MACROD2: variants seen among roughly 807,000 people sequenced by gnomAD.
MACROD2 encodes the protein ADP-ribose glycohydrolase MACROD2.
In MACROD2, 36 loss-of-function variants were observed where a neutral mutation model predicts 70.4. The ratio of observed to expected loss-of-function variants is 0.51; its 90% CI spans 0.39 to 0.68. The LOEUF (loss-of-function observed/expected upper bound fraction) is 0.68. Ranked by LOEUF, MACROD2 falls within the 30% of genes least tolerant of loss-of-function variation. MACROD2 has a pLI of 0.00. For synonymous variants in MACROD2, 172 were observed against 178.8 expected (o/e 0.96, Z 0.30); for missense variants, 496 against 538.4 (o/e 0.92, Z 0.78).
intron 8 of MACROD2, among the ~76,000 whole-genome samples, chr20:15,559,913 G>A (rs1056220605): frequency 6.6e-6 from 1 of 152,224 alleles, no homozygotes; most frequent in African/African-American, 2.4e-5. Context: ...GAAGGCTGAT[G>A]TTTTCATCTC....
intron 5 of MACROD2, among the ~76,000 whole-genome samples, chr20:15,053,072 G>A (rs1481204031): frequency 6.6e-6 from 1 of 152,196 alleles, no homozygotes; most frequent in Admixed American, 6.5e-5. Context: ...TGAAGAAGCT[G>A]CAGAAGAAAA....
At chr20:15,745,279 T>TA (rs1194069704) in intron 8 of MACROD2, among the ~76,000 whole-genome samples, 1 of 152,196 alleles carries the variant, frequency 6.6e-6, no homozygotes, top group African/African-American at 2.4e-5. Context: ...AGGTCATAGG[T>TA]AAGCATTACC....
chr20:15,658,687 T>C (rs1226938013), intron 8 of MACROD2, among the ~76,000 whole-genome samples: 1 of 152,220 alleles, frequency 6.6e-6, no homozygotes, highest in Non-Finnish European at 1.5e-5. Flanking sequence ...CTTATTTACA[T>C]GATCTGATTT....
At chr20:15,200,319 T>A (rs2076645118) in intron 5 of MACROD2, among the ~76,000 whole-genome samples, 1 of 152,232 alleles carries the variant, frequency 6.6e-6, no homozygotes, top group South Asian at 2.1e-4. Context: ...TGGATTAAAT[T>A]GCCATACTCT....
chr20:14,711,839 T>C (rs2071342584), intron 5 of MACROD2, among the ~76,000 whole-genome samples: 1 of 152,190 alleles, frequency 6.6e-6, no homozygotes, highest in Non-Finnish European at 1.5e-5. Flanking sequence ...TTTATCTCTG[T>C]AAGAGAATAG....
chr20:15,219,041 G>A (rs1034470757), intron 5 of MACROD2, among the ~76,000 whole-genome samples: 1 of 151,224 alleles, frequency 6.6e-6, no homozygotes, highest in Non-Finnish European at 1.5e-5. Flanking sequence ...GCGAGACTCC[G>A]TCTCAAAAAA....
chr20:15,571,462 T>C (rs1018296353), intron 8 of MACROD2, among the ~76,000 whole-genome samples: 2 of 151,732 alleles, frequency 1.3e-5, no homozygotes, highest in Admixed American at 6.6e-5. Context: ...GTTAGGAAAA[T>C]ACACCCTACT....
At chr20:15,089,847 C>T (rs2075779808) in intron 5 of MACROD2, among the ~76,000 whole-genome samples, 1 of 152,130 alleles carries the variant, frequency 6.6e-6, no homozygotes, top group Admixed American at 6.6e-5. Flanking sequence ...CTAAACTTCA[C>T]AGACATCATG....
intron 8 of MACROD2, among the ~76,000 whole-genome samples, chr20:15,538,917 T>C (rs1482284332): frequency 6.6e-6 from 1 of 152,078 alleles, no homozygotes; most frequent in Non-Finnish European, 1.5e-5. Flanking sequence ...ATTATAATTA[T>C]ATGAAATATA....
At chr20:15,711,925 CT>C (rs1214399084) in intron 8 of MACROD2, among the ~76,000 whole-genome samples, 1 of 152,118 alleles carries the variant, frequency 6.6e-6, no homozygotes, top group African/African-American at 2.4e-5. Flanking sequence ...CTTCAGCCCC[CT>C]GGGTTTCAAG....
chr20:14,260,988 G>A (rs1483341988), intron 3 of MACROD2, among the ~76,000 whole-genome samples: 1 of 151,162 alleles, frequency 6.6e-6, no homozygotes, highest in Non-Finnish European at 1.5e-5. Flanking sequence ...CAGGATTTAG[G>A]GAGATCTACA....
At chr20:14,739,856 A>G (rs1158826101) in intron 5 of MACROD2, among the ~76,000 whole-genome samples, 1 of 152,114 alleles carries the variant, frequency 6.6e-6, no homozygotes, top group Non-Finnish European at 1.5e-5. Flanking sequence ...TAATACATAA[A>G]ATGGTATTAA....
intron 4 of MACROD2, among the ~76,000 whole-genome samples, chr20:14,539,224 A>AT (rs374097422): frequency 3.6e-4 from 55 of 152,062 alleles, no homozygotes; most frequent in South Asian, 2.5e-3. Flanking sequence ...TCAAAATCTC[A>AT]TTTTTTTCTT....
intron 8 of MACROD2, among the ~76,000 whole-genome samples, chr20:15,720,159 A>G (rs2050767662): frequency 6.6e-6 from 1 of 152,150 alleles, no homozygotes; most frequent in Non-Finnish European, 1.5e-5. Flanking sequence ...ATAGTATTCT[A>G]TTGCATATAT....
chr20:15,478,621 C>T (rs1324463386), intron 7 of MACROD2, among the ~76,000 whole-genome samples: 3 of 152,186 alleles, frequency 2.0e-5, no homozygotes. Flanking sequence ...GACGTTCTCT[C>T]CCATTGACCA....
chr20:15,896,415 C>CA (rs1423984389), intron 10 of MACROD2, among the ~76,000 whole-genome samples: 2 of 152,042 alleles, frequency 1.3e-5, no homozygotes, highest in Non-Finnish European at 2.9e-5. Context: ...TATTTAGATT[C>CA]AGAAGAAAAA....
At chr20:15,029,464 C>T (rs1431038316) in intron 5 of MACROD2, among the ~76,000 whole-genome samples, 1 of 152,186 alleles carries the variant, frequency 6.6e-6, no homozygotes, top group Non-Finnish European at 1.5e-5. Context: ...CACAGACTTT[C>T]TGATTCAGAA....
intron 6 of MACROD2, among the ~76,000 whole-genome samples, chr20:15,267,601 C>T (rs2077307131): frequency 6.6e-6 from 1 of 152,184 alleles, no homozygotes; most frequent in Non-Finnish European, 1.5e-5. Context: ...TCTGACTCAA[C>T]CCCCAGGTAG....
At chr20:16,019,033 A>G (rs762541632) in intron 15 of MACROD2, among the ~76,000 whole-genome samples, 1 of 152,138 alleles carries the variant, frequency 6.6e-6, no homozygotes, top group Non-Finnish European at 1.5e-5. Flanking sequence ...AAAACAATAA[A>G]TCTATTTCCA....
Sources: gnomAD v4.1 joint callset for allele counts (sites outside exome capture counted in the v4.1 genomes callset) on GRCh38, gnomAD v4.1.1 for gene constraint, MANE v1.5 for transcripts, NCBI Gene and HGNC (gene_info 2026-07-23, HGNC 2026-07-21) for gene names.